SASH1: variants seen among roughly 807,000 people sequenced by gnomAD.
SASH1 encodes the protein SAM and SH3 domain containing 1.
Under a neutral mutation model 125.2 loss-of-function variants are expected in SASH1, and 44 were observed. The ratio of observed to expected loss-of-function variants is 0.35; its 90% CI spans 0.28 to 0.45. The LOEUF is 0.45. Among genes scored for constraint, SASH1 ranks in the 20% least tolerant of loss-of-function variants. The probability of loss-of-function intolerance (pLI) is 1.00; values close to 1 mark genes in which losing one functional copy is unlikely to be tolerated. For synonymous variants in SASH1, 639 were observed against 649.1 expected (o/e 0.98, Z 0.24); for missense variants, 1,426 against 1,614.5 (o/e 0.88, Z 2.00).
chr6:148,288,450 A>T (rs1779543236), intron 1 of SASH1, among the ~76,000 whole-genome samples: 1 of 152,254 alleles, frequency 6.6e-6, no homozygotes, highest in Non-Finnish European at 1.5e-5. Context: ...TATAATTAAA[A>T]ATATAGAAAT....
At chr6:148,531,469 C>G in intron 12 of SASH1, 57 bp from the exon 13 acceptor site, 1 of 1,383,624 alleles carries the variant, frequency 7.2e-7, no homozygotes, top group Non-Finnish European at 9.5e-7. Flanking sequence ...CTGAGAATTA[C>G]AAAACAACAC....
intron 4 of SASH1, among the ~76,000 whole-genome samples, chr6:148,464,505 A>AG (rs1219876208): frequency 1.3e-5 from 2 of 152,154 alleles, no homozygotes; most frequent in Non-Finnish European, 2.9e-5. Flanking sequence ...GGCTGGAGGA[A>AG]GGAGGTACTA....
At chr6:148,367,878 G>C (rs1782534609) in intron 1 of SASH1, among the ~76,000 whole-genome samples, 1 of 152,254 alleles carries the variant, frequency 6.6e-6, no homozygotes. Flanking sequence ...TTCAGTCACA[G>C]CTTTTCCCAT....
chr6:148,393,392 C>T (rs2114840754), intron 2 of SASH1, among the ~76,000 whole-genome samples: 1 of 152,150 alleles, frequency 6.6e-6, no homozygotes, highest in East Asian at 1.9e-4. Context: ...AAATGATAGT[C>T]TGGTAGGACT....
chr6:148,508,950 C>A, intron 8 of SASH1: 1 of 735,426 alleles, frequency 1.4e-6, no homozygotes, highest in Non-Finnish European at 2.1e-6. Flanking sequence ...GTTTTTGCTG[C>A]TCCTGCCTAT....
chr6:148,442,849 C>G (rs1776602800), intron 4 of SASH1, among the ~76,000 whole-genome samples: 1 of 152,052 alleles, frequency 6.6e-6, no homozygotes. Flanking sequence ...TCTCGGCTCA[C>G]TGCAACCTCC....
intron 2 of SASH1, among the ~76,000 whole-genome samples, chr6:148,437,879 C>T (rs531594347): frequency 9.2e-5 from 14 of 152,226 alleles, no homozygotes; most frequent in African/African-American, 2.2e-4. Context: ...GGGGCAGGTA[C>T]GTTTTGCATA....
chr6:148,495,010 C>T lies in SASH1; in HGVS notation c.729+7295C>T, dbSNP rs890494231. On this transcript the variant is annotated intron_variant, in intron 8 of 19. Coordinates refer to ENST00000367467, the MANE Select transcript of SASH1 (RefSeq NM_015278.5). The surrounding 1 kb of genome is among the most constrained non-coding windows in gnomAD (Gnocchi z 4.0). ...AGGTTTTACTTAGAGTTTTCAATGT[C>T]CTTTCACCAGCCTCAATAACAGACA... 3.9e-5 allele frequency among the ~76,000 whole-genome samples: 6 copies of T among 152,174 alleles called. No individual in the cohort carries two copies. The highest frequency in any genetic ancestry group is 1.4e-4 in the African/African-American group (6 of 41,430).
chr6:148,387,407 C>T (rs771676675), intron 1 of SASH1, among the ~76,000 whole-genome samples: 14 of 151,730 alleles, frequency 9.2e-5, no homozygotes, highest in African/African-American at 2.4e-4. Flanking sequence ...CCACCGCACC[C>T]GGCCCTCCTT....
rs930167953 is a variant in SASH1 at position 148,533,392 on chromosome 6, C to CTGGT, written c.1735-377_1735-374dup. On this transcript the variant is annotated intron_variant, in intron 14 of 19. Coordinates refer to ENST00000367467, the MANE Select transcript of SASH1 (RefSeq NM_015278.5). The surrounding 1 kb of genome is among the most constrained non-coding windows in gnomAD (Gnocchi z 6.2). ...AGCCATGACAGGGCCGGGATTGCCA[C>CTGGT]TGGTTAGGACAGGTGGGAAGTGCCT... Among the ~76,000 whole-genome samples the CTGGT allele has an allele frequency of 4.6e-5, 7 of 152,172 alleles. No homozygotes were observed. The highest frequency in any genetic ancestry group is 1.4e-4 in the African/African-American group (6 of 41,436).
intron 7 of SASH1, among the ~76,000 whole-genome samples, chr6:148,474,531 A>G (rs977790822): frequency 1.3e-5 from 2 of 152,236 alleles, no homozygotes; most frequent in Non-Finnish European, 2.9e-5. Context: ...AAGATCAATT[A>G]TTAAATAAAA....
intron 8 of SASH1, among the ~76,000 whole-genome samples, chr6:148,506,173 A>C (rs867752780): frequency 9.9e-5 from 15 of 151,532 alleles, no homozygotes; most frequent in South Asian, 2.1e-4. Context: ...TGAATAGAAG[A>C]CTGCAGAGTT....
chr6:148,214,482 T>G, the SASH1 span, among the ~76,000 whole-genome samples: 2 of 152,186 alleles, frequency 1.3e-5, no homozygotes, highest in Non-Finnish European at 2.9e-5. Flanking sequence ...TTAAAATTAG[T>G]ATTACCCCAT....
intron 1 of SASH1, among the ~76,000 whole-genome samples, chr6:148,370,984 A>G (rs1583038638): frequency 6.6e-6 from 1 of 152,196 alleles, no homozygotes; most frequent in Non-Finnish European, 1.5e-5. Flanking sequence ...TGAAAACACA[A>G]TTGGTGAAGG....
intron 1 of SASH1, among the ~76,000 whole-genome samples, chr6:148,351,653 T>A (rs1035094590): frequency 6.8e-6 from 1 of 146,818 alleles, no homozygotes; most frequent in Admixed American, 6.9e-5. Flanking sequence ...CTCACCGCTT[T>A]TTTTTTTTTT....
chr6:148,363,734 C>T (rs1167610484), intron 1 of SASH1, among the ~76,000 whole-genome samples: 4 of 151,930 alleles, frequency 2.6e-5, no homozygotes, highest in Non-Finnish European at 4.4e-5. Context: ...CTTCAGACCC[C>T]TCCTGGTACC....
intron 2 of SASH1, among the ~76,000 whole-genome samples, chr6:148,423,708 G>A (rs139291048): frequency 4.7e-4 from 72 of 152,226 alleles, no homozygotes; most frequent in African/African-American, 1.7e-3. Context: ...GAAGGTCAGT[G>A]ACTGTTTTTT....
chr6:148,511,845 T>G (rs1387675758), intron 8 of SASH1, among the ~76,000 whole-genome samples: 3 of 151,980 alleles, frequency 2.0e-5, no homozygotes, highest in African/African-American at 7.2e-5. Flanking sequence ...CCATTTCTCT[T>G]ACTGCCCACT....
chr6:148,311,552 C>G (rs1780329660), intron 1 of SASH1, among the ~76,000 whole-genome samples: 1 of 152,056 alleles, frequency 6.6e-6, no homozygotes, highest in African/African-American at 2.4e-5. Flanking sequence ...GCCTGTAATC[C>G]CAACACTTTG....
Sources: gnomAD v4.1 joint callset for allele counts (sites outside exome capture counted in the v4.1 genomes callset) on GRCh38, gnomAD v4.1.1 for gene constraint, Gnocchi (gnomAD v3.1) non-coding constraint, MANE v1.5 for transcripts, NCBI Gene and HGNC (gene_info 2026-07-23, HGNC 2026-07-21) for gene names.